THRB: variants seen among roughly 807,000 people sequenced by gnomAD.
THRB encodes nuclear receptor subfamily 1 group A member 2.
Under a neutral mutation model 47.8 loss-of-function variants are expected in THRB, and 12 were observed. That is an observed-to-expected ratio of 0.25 (90% CI 0.16 to 0.41). THRB has a LOEUF of 0.41. Among genes scored for constraint, THRB ranks in the 10% least tolerant of loss-of-function variants. The pLI is 1.00. For synonymous variants in THRB, 218 were observed against 212.2 expected, an observed-to-expected ratio of 1.03 and a Z score of -0.24; for missense variants, 348 against 589.2, an observed-to-expected ratio of 0.59 and a Z score of 4.24.
chr3:24,290,585 A>G (rs2055822306), intron 3 of THRB, among the ~76,000 whole-genome samples: 2 of 152,208 alleles, frequency 1.3e-5, no homozygotes, highest in African/African-American at 4.8e-5. Context: ...AACTCAATTC[A>G]GTTTCTCCTC....
chr3:24,190,672 A>T (rs1444099381), intron 4 of THRB, among the ~76,000 whole-genome samples: 1 of 152,060 alleles, frequency 6.6e-6, no homozygotes, highest in Non-Finnish European at 1.5e-5. Context: ...TGCTTAGATG[A>T]CCATTTGAGG....
intron 1 of THRB, among the ~76,000 whole-genome samples, chr3:24,383,684 T>C (rs1032651551): frequency 6.6e-6 from 1 of 152,178 alleles, no homozygotes; most frequent in Non-Finnish European, 1.5e-5. Flanking sequence ...TTCAGTTCTA[T>C]TTCAAGTATA....
chr3:24,162,472 A>G (rs935299249), intron 5 of THRB, among the ~76,000 whole-genome samples: 4 of 152,182 alleles, frequency 2.6e-5, no homozygotes, highest in African/African-American at 9.7e-5. Context: ...TTGAAAATTA[A>G]AAATTTGTTT....
At chr3:24,191,771 C>G (rs180817227) in intron 4 of THRB, among the ~76,000 whole-genome samples, 15 of 152,310 alleles carry the variant, frequency 9.8e-5, no homozygotes, top group African/African-American at 3.4e-4. Flanking sequence ...AATGCCCATG[C>G]ACATTGTATT....
chr3:24,193,767 T>C (rs1169327057), intron 4 of THRB, among the ~76,000 whole-genome samples: 1 of 152,210 alleles, frequency 6.6e-6, no homozygotes, highest in Non-Finnish European at 1.5e-5. Context: ...ATCCTACTAC[T>C]AGGTATCTAC....
chr3:24,135,124 G>C (rs2034453233), intron 8 of THRB, among the ~76,000 whole-genome samples: 1 of 152,156 alleles, frequency 6.6e-6, no homozygotes, highest in Non-Finnish European at 1.5e-5. Flanking sequence ...CACTCTTTGA[G>C]AACCACTGAG....
intron 1 of THRB, among the ~76,000 whole-genome samples, chr3:24,424,417 G>C (rs976894377): frequency 6.6e-6 from 1 of 151,922 alleles, no homozygotes; most frequent in African/African-American, 2.4e-5. Context: ...CTATGGCAGT[G>C]GTTCTCAAAG....
At chr3:24,195,179 C>T (rs371094271) in intron 4 of THRB, among the ~76,000 whole-genome samples, 4 of 152,062 alleles carry the variant, frequency 2.6e-5, no homozygotes, top group East Asian at 1.9e-4. Flanking sequence ...TTTTTAGAAT[C>T]GTGCAGGACA....
chr3:24,228,952 G>A lies in THRB; in HGVS notation c.8C>T (p.Pro3Leu), dbSNP rs760749837. The A allele has an allele frequency of 9.3e-6, 15 of 1,612,482 alleles. No individual in the cohort carries two copies. The highest frequency in any genetic ancestry group is 1.7e-4 in the Middle Eastern group (1 of 6,048). ...AAAAAAGATACCTGTCATACTGTTG[G>A]GAGTCATAGGTTAGTAATCATTCTG... MTPNSMTENGLTA... is the reference protein window; with the variant it reads MTLNSMTENGLTA... The change falls in exon 4 of 11, where the codon CCC (proline) becomes CTC (leucine). Residue 3 changes from proline to leucine, a missense_variant. Pro to Leu is a moderately conservative substitution (Grantham distance 98). Transcript: ENST00000646209.
chr3:24,181,819 C>T (rs2596617), intron 5 of THRB, among the ~76,000 whole-genome samples: 105,278 of 152,120 alleles, frequency 0.69, 37,659 homozygotes, highest in African/African-American at 0.89. Flanking sequence ...TTGGACCCTG[C>T]CAAGAGTAAA....
chr3:24,375,711 T>C (rs1009811396), intron 1 of THRB, among the ~76,000 whole-genome samples: 1 of 151,944 alleles, frequency 6.6e-6, no homozygotes, highest in Non-Finnish European at 1.5e-5. Flanking sequence ...ATCACAGCCC[T>C]GAAAAGTTGC....
At chr3:24,216,615 A>T (rs1438575922) in intron 4 of THRB, among the ~76,000 whole-genome samples, 4 of 152,278 alleles carry the variant, frequency 2.6e-5, no homozygotes, top group African/African-American at 9.6e-5. Context: ...CTCAAAAAAA[A>T]AAATATATGA....
chr3:24,272,970 G>T (rs192331799), intron 3 of THRB, among the ~76,000 whole-genome samples: 1 of 152,158 alleles, frequency 6.6e-6, no homozygotes, highest in Non-Finnish European at 1.5e-5. Context: ...CTAAGTACTT[G>T]TTGGTTTTGA....
intron 3 of THRB, among the ~76,000 whole-genome samples, chr3:24,284,989 G>A (rs2055098377): frequency 1.3e-5 from 2 of 152,114 alleles, no homozygotes; most frequent in South Asian, 4.1e-4. Context: ...TAGTGGGACT[G>A]TAAACTAGTT....
At chr3:24,132,150 A>C (rs2033958007) in intron 9 of THRB, among the ~76,000 whole-genome samples, 1 of 152,160 alleles carries the variant, frequency 6.6e-6, no homozygotes, top group African/African-American at 2.4e-5. Context: ...GAGTCATTCC[A>C]GGTGAGGAAA....
At chr3:24,208,504 T>C (rs1390714765) in intron 4 of THRB, among the ~76,000 whole-genome samples, 3 of 152,032 alleles carry the variant, frequency 2.0e-5, no homozygotes, top group Non-Finnish European at 2.9e-5. Flanking sequence ...AACAGAGATA[T>C]AGACCAATGG....
At chr3:24,217,783 G>A (rs1369587798) in intron 4 of THRB, among the ~76,000 whole-genome samples, 1 of 152,138 alleles carries the variant, frequency 6.6e-6, no homozygotes, top group Non-Finnish European at 1.5e-5. Context: ...GTGGTCCCTT[G>A]CCTTGTCTGG....
chr3:24,221,236 C>A (rs181838874), intron 4 of THRB, among the ~76,000 whole-genome samples: 1 of 152,298 alleles, frequency 6.6e-6, no homozygotes, highest in Admixed American at 6.5e-5. Flanking sequence ...ACCATATAGT[C>A]ATTAGAAACC....
At chr3:24,261,980 A>G (rs1484358531) in intron 3 of THRB, among the ~76,000 whole-genome samples, 1 of 152,096 alleles carries the variant, frequency 6.6e-6, no homozygotes, top group East Asian at 1.9e-4. Context: ...TGGTGATCTC[A>G]TTCTGTCTCA....
Sources: gnomAD v4.1 joint callset for allele counts (sites outside exome capture counted in the v4.1 genomes callset) on GRCh38, gnomAD v4.1.1 for gene constraint, MANE v1.5 for transcripts, NCBI Gene and HGNC (gene_info 2026-07-23, HGNC 2026-07-21) for gene names.